AFG2A: variants seen among roughly 807,000 people sequenced by gnomAD.
AFG2A encodes AAA ATPase AFG2A, also known as ATPase family gene 2 protein homolog A.
At chr4:123,123,947 G>A in the AFG2A span, among the ~76,000 whole-genome samples, 26 of 76,480 alleles carry the variant, frequency 3.4e-4, no homozygotes, top group South Asian at 2.1e-3. Context: ...GTGAAACTCC[G>A]TCTCAAAAAA....
the AFG2A span, among the ~76,000 whole-genome samples, chr4:123,302,227 C>T: frequency 6.6e-6 from 1 of 152,188 alleles, no homozygotes. Flanking sequence ...TGCTTGCTTT[C>T]TTCTCCCAAG....
At chr4:123,285,601 C>T in the AFG2A span, among the ~76,000 whole-genome samples, 1 of 152,078 alleles carries the variant, frequency 6.6e-6, no homozygotes, top group South Asian at 2.1e-4. Context: ...CCAACACCAC[C>T]AGTACATCTC....
the AFG2A span, among the ~76,000 whole-genome samples, chr4:123,002,967 C>G: frequency 6.6e-6 from 1 of 152,142 alleles, no homozygotes; most frequent in African/African-American, 2.4e-5. Flanking sequence ...TTGGTCTTTT[C>G]ACATAGTCCC....
At chr4:123,024,734 G>A in the AFG2A span, among the ~76,000 whole-genome samples, 1 of 152,256 alleles carries the variant, frequency 6.6e-6, no homozygotes, top group Admixed American at 6.5e-5. Context: ...TTCAGAGTCA[G>A]AGGTGAATGC....
the AFG2A span, among the ~76,000 whole-genome samples, chr4:123,163,761 T>G: frequency 6.6e-6 from 1 of 152,144 alleles, no homozygotes; most frequent in Non-Finnish European, 1.5e-5. Flanking sequence ...AGGCAACCCT[T>G]GAAAGGAAAC....
At chr4:122,992,980 G>GTGTGTGTGTGTGTGTGTATC in the AFG2A span, among the ~76,000 whole-genome samples, 6 of 151,402 alleles carry the variant, frequency 4.0e-5, no homozygotes, top group East Asian at 7.8e-4. Flanking sequence ...GTGTGTATGT[G>GTGTGTGTGTGTGTGTGTATC]TGTGTGTGTG....
the AFG2A span, among the ~76,000 whole-genome samples, chr4:123,197,566 G>A: frequency 1.3e-5 from 2 of 150,984 alleles, no homozygotes; most frequent in East Asian, 2.0e-4. Context: ...TCAGGAGTTC[G>A]AGACCAGCCT....
chr4:123,156,420 T>C, the AFG2A span, among the ~76,000 whole-genome samples: 2 of 152,166 alleles, frequency 1.3e-5, no homozygotes, highest in Non-Finnish European at 2.9e-5. Context: ...ATAGAATTCT[T>C]AGTACAAAAT....
the AFG2A span, among the ~76,000 whole-genome samples, chr4:123,106,756 C>G: frequency 1.3e-5 from 2 of 152,362 alleles, no homozygotes; most frequent in African/African-American, 4.8e-5. Context: ...GTGGCTCCTT[C>G]TGCCTGAGTA....
At chr4:123,076,633 C>T in the AFG2A span, among the ~76,000 whole-genome samples, 7 of 151,632 alleles carry the variant, frequency 4.6e-5, no homozygotes, top group South Asian at 1.3e-3. Context: ...AACAAGTAAA[C>T]ATAGAAGAGA....
At chr4:123,007,642 A>AC in the AFG2A span, among the ~76,000 whole-genome samples, 2,818 of 25,442 alleles carry the variant, frequency 0.11, 103 homozygotes, top group Middle Eastern at 0.26. Flanking sequence ...ACACACACAC[A>AC]ACACACACAC....
chr4:123,083,559 C>CTTTTTT, the AFG2A span, among the ~76,000 whole-genome samples: 1 of 132,886 alleles, frequency 7.5e-6, no homozygotes. Context: ...TATAATTATT[C>CTTTTTT]TTTTTTTTTT....
chr4:123,305,922 T>C, the AFG2A span, among the ~76,000 whole-genome samples: 1 of 152,232 alleles, frequency 6.6e-6, no homozygotes, highest in Non-Finnish European at 1.5e-5. Context: ...CAATTGCCTC[T>C]TTTGCCCTTT....
chr4:123,301,509 A>G, the AFG2A span, among the ~76,000 whole-genome samples: 1 of 152,198 alleles, frequency 6.6e-6, no homozygotes. Flanking sequence ...ATTTCACCTC[A>G]TTTACATCCT....
the AFG2A span, among the ~76,000 whole-genome samples, chr4:123,263,979 G>A: frequency 6.6e-6 from 1 of 152,132 alleles, no homozygotes; most frequent in Non-Finnish European, 1.5e-5. Context: ...CAATCAACAA[G>A]TGGATACAGA....
chr4:123,266,571 A>G, the AFG2A span, among the ~76,000 whole-genome samples: 1 of 151,928 alleles, frequency 6.6e-6, no homozygotes, highest in Non-Finnish European at 1.5e-5. Context: ...TCTTTAAACT[A>G]TATTTCATAG....
the AFG2A span, among the ~76,000 whole-genome samples, chr4:123,114,615 A>T: frequency 0.09 from 13,678 of 152,272 alleles, 807 homozygotes; most frequent in Middle Eastern, 0.2. Flanking sequence ...TCTGCTGATG[A>T]TGGGGGACCC....
At chr4:122,946,047 G>A in the AFG2A span, among the ~76,000 whole-genome samples, 9 of 152,302 alleles carry the variant, frequency 5.9e-5, no homozygotes, top group Middle Eastern at 3.4e-3. Flanking sequence ...TAGTAGGCTG[G>A]AGATGATAGA....
the AFG2A span, among the ~76,000 whole-genome samples, chr4:123,098,650 GC>G: frequency 2.0e-5 from 3 of 151,956 alleles, no homozygotes; most frequent in African/African-American, 7.2e-5. Context: ...ATTTCACTTA[GC>G]ATAATGTCCT....
Sources: allele counts gnomAD v4.1 joint callset (sites outside exome capture counted in the v4.1 genomes callset), GRCh38; gene constraint gnomAD v4.1.1; transcripts MANE v1.5; gene names NCBI Gene and HGNC (gene_info 2026-07-23, HGNC 2026-07-21).